Variants in ST3GAL2 observed in about 807,000 individuals in gnomAD.
ST3GAL2 encodes CMP-N-acetylneuraminate-beta-galactosamide-alpha-2,3-sialyltransferase 2.
In ST3GAL2, 16 loss-of-function variants were observed where a neutral mutation model predicts 37.5. The ratio of observed to expected loss-of-function variants is 0.43; its 90% CI spans 0.29 to 0.65. The LOEUF (loss-of-function observed/expected upper bound fraction) is 0.65, where lower values mean the gene tolerates loss of function less well. Ranked by LOEUF, ST3GAL2 falls within the 30% of genes least tolerant of loss-of-function variation. ST3GAL2 has a pLI of 0.17. For synonymous variants in ST3GAL2, 238 were observed against 202.9 expected (o/e 1.17, Z -1.47); for missense variants, 383 against 487.8 (o/e 0.79, Z 2.02).
rs780854828 is a variant in ST3GAL2 at position 70,376,157 on chromosome 16, C to T, written c.*5532G>A. The T allele has an allele frequency of 1.3e-5, 2 of 152,212 alleles. No homozygotes were observed. Among genetic ancestry groups the T allele is most frequent in the African/African-American group, 2.4e-5 (1 of 41,446 alleles). 9.4% of individuals were successfully genotyped at this position (152,212 alleles called of 1,614,324 possible). ...GGGCAGCGTCTCTTCCCTCTGTGGT[C>T]CCCTTTACCCATTCCATGACAAATG... On this transcript the variant is annotated 3_prime_UTR_variant, in exon 7 of 7. Coordinates refer to ENST00000342907, the MANE Select transcript of ST3GAL2 (RefSeq NM_006927.4).
chr16:70,420,142 G>A (rs2047705172), intron 1 of ST3GAL2, among the ~76,000 whole-genome samples: 1 of 151,314 alleles, frequency 6.6e-6, no homozygotes. Flanking sequence ...CATCAACTAG[G>A]CCAACTTCTT....
intron 1 of ST3GAL2, among the ~76,000 whole-genome samples, chr16:70,421,735 G>C (rs1018371706): frequency 1.3e-5 from 2 of 152,108 alleles, no homozygotes; most frequent in African/African-American, 2.4e-5. Context: ...CTGGAGTGCA[G>C]TGCTAGGATC....
chr16:70,399,779 A>G, intron 1 of ST3GAL2: 1 of 225,190 alleles, frequency 4.4e-6, no homozygotes, highest in Non-Finnish European at 8.6e-6. Context: ...GAGTCAAGTG[A>G]TTTTCCCTAA....
At chr16:70,425,304 AT>A (rs2047742216) in intron 1 of ST3GAL2, among the ~76,000 whole-genome samples, 1 of 152,118 alleles carries the variant, frequency 6.6e-6, no homozygotes, top group Non-Finnish European at 1.5e-5. Flanking sequence ...TCTGATAAAG[AT>A]ACAAAAATTA....
At chr16:70,384,287 A>G (rs1235197817) in intron 4 of ST3GAL2, among the ~76,000 whole-genome samples, 4 of 152,236 alleles carry the variant, frequency 2.6e-5, no homozygotes, top group Non-Finnish European at 4.4e-5. Context: ...CAGCCTTTAA[A>G]AAAAACACAG....
chr16:70,406,616 T>C (rs1277442309), intron 1 of ST3GAL2, among the ~76,000 whole-genome samples: 2 of 151,440 alleles, frequency 1.3e-5, no homozygotes, highest in Admixed American at 1.3e-4. Flanking sequence ...ACCCCATCTC[T>C]ACTAAAAATA....
intron 1 of ST3GAL2, among the ~76,000 whole-genome samples, chr16:70,408,845 G>A (rs1225464065): frequency 7.8e-6 from 1 of 128,312 alleles, no homozygotes; most frequent in Admixed American, 9.5e-5. Flanking sequence ...AAAGATCGAG[G>A]CTGCACCCTA....
At chr16:70,416,625 C>T (rs2047678303) in intron 1 of ST3GAL2, among the ~76,000 whole-genome samples, 1 of 152,060 alleles carries the variant, frequency 6.6e-6, no homozygotes, top group Non-Finnish European at 1.5e-5. Context: ...TGCTTTGAAA[C>T]CATTATTATG....
chr16:70,384,938 G>C (rs1232583198), intron 4 of ST3GAL2, among the ~76,000 whole-genome samples: 1 of 147,446 alleles, frequency 6.8e-6, no homozygotes, highest in Non-Finnish European at 1.5e-5. Flanking sequence ...GAACCCAGGA[G>C]GCAGAGGTTG....
chr16:70,402,304 A>AT (rs2047561560), intron 1 of ST3GAL2, among the ~76,000 whole-genome samples: 1 of 151,526 alleles, frequency 6.6e-6, no homozygotes, highest in African/African-American at 2.4e-5. Context: ...AAAAAAAAAA[A>AT]AAAAGAATGG....
intron 1 of ST3GAL2, among the ~76,000 whole-genome samples, chr16:70,432,816 C>A (rs1391753776): frequency 6.6e-6 from 1 of 152,156 alleles, no homozygotes; most frequent in Non-Finnish European, 1.5e-5. Context: ...GTGTGTGGGA[C>A]GGAAGCTGGG....
At chr16:70,438,200 G>A (rs1445391280) in intron 1 of ST3GAL2, among the ~76,000 whole-genome samples, 2 of 152,228 alleles carry the variant, frequency 1.3e-5, no homozygotes, top group South Asian at 2.1e-4. Flanking sequence ...AGGAGCGGCA[G>A]GAAGCTAAGG....
chr16:70,381,387 C>T lies in ST3GAL2; in HGVS notation c.*302G>A, dbSNP rs559474917. 2.7e-6 allele frequency: 1 copy of T among 371,188 alleles called. No homozygotes were observed. The highest frequency in any genetic ancestry group is 5.0e-6 in the Non-Finnish European group (1 of 201,214). 23.0% of individuals were successfully genotyped at this position (371,188 alleles called of 1,614,324 possible). ...CGTGAAAGAAAACCCTAACCCAAAG[C>T]ATGAGGGAGTGGGGATTGAGCGGCC... On this transcript the variant is annotated 3_prime_UTR_variant, in exon 7 of 7. Transcript: ENST00000342907.
chr16:70,391,411 A>T (rs1308020735), intron 3 of ST3GAL2, among the ~76,000 whole-genome samples: 1 of 152,164 alleles, frequency 6.6e-6, no homozygotes, highest in Non-Finnish European at 1.5e-5. Context: ...TCCTTCAGTG[A>T]ACTGCCCCTT....
chr16:70,404,499 C>T (rs941974700), intron 1 of ST3GAL2, among the ~76,000 whole-genome samples: 17 of 152,218 alleles, frequency 1.1e-4, no homozygotes, highest in East Asian at 1.9e-4. Flanking sequence ...AATCAGATAC[C>T]ACTTCCTGCC....
chr16:70,413,560 C>CA (rs978301918), intron 1 of ST3GAL2, among the ~76,000 whole-genome samples: 2,922 of 32,002 alleles, frequency 0.091, 159 homozygotes, highest in East Asian at 0.15. Flanking sequence ...ATCAAAAATA[C>CA]AAAAAAAAAA....
intron 3 of ST3GAL2, 150 bp downstream of exon 3, chr16:70,394,832 C>T: frequency 1.2e-6 from 1 of 852,584 alleles, no homozygotes; most frequent in East Asian, 2.7e-5. Flanking sequence ...AAGGAGAGAG[C>T]TCCAAGCCTG....
rs1464749178 is a variant in ST3GAL2, at chr16:70,399,121, A to C, written c.-591T>G. ...AGGGGAGCCAGACCCCAACCCTGAG[A>C]GGACAAAAACAGGAAGCTCTGTGAG... On this transcript the variant is annotated 5_prime_UTR_variant, in exon 2 of 7. Coordinates refer to ENST00000342907, the MANE Select transcript of ST3GAL2 (RefSeq NM_006927.4). 1.7e-5 allele frequency: 7 copies of C among 400,062 alleles called. No homozygotes were observed. The highest frequency in any genetic ancestry group is 3.1e-5 in the Non-Finnish European group (7 of 227,254). 24.8% of individuals were successfully genotyped at this position (400,062 alleles called of 1,614,324 possible). A position where few individuals can be genotyped will look rare whatever the true frequency, so the allele number is the denominator to read the frequency against.
At chr16:70,401,735 A>G (rs2047556709) in intron 1 of ST3GAL2, among the ~76,000 whole-genome samples, 1 of 152,128 alleles carries the variant, frequency 6.6e-6, no homozygotes, top group East Asian at 1.9e-4. Context: ...GCTCATGCCT[A>G]TAATCCCACC....
Sources: gnomAD v4.1 joint callset for allele counts (sites outside exome capture counted in the v4.1 genomes callset) on GRCh38, gnomAD v4.1.1 for gene constraint, MANE v1.5 for transcripts, NCBI Gene and HGNC (gene_info 2026-07-23, HGNC 2026-07-21) for gene names.